Variants in EIF2B3 observed in about 807,000 individuals in gnomAD.
EIF2B3 encodes translation initiation factor eIF2B subunit gamma.
Under a neutral mutation model 54.1 loss-of-function variants are expected in EIF2B3, and 20 were observed. The ratio of observed to expected loss-of-function variants is 0.37; its 90% CI spans 0.26 to 0.54. The LOEUF is 0.54. Ranked by LOEUF, EIF2B3 falls within the 20% of genes least tolerant of loss-of-function variation. EIF2B3 has a pLI of 0.86. For missense variants in EIF2B3, 448 were observed against 547.8 expected (o/e 0.82, Z 1.82); for synonymous variants, 153 against 188.1 (o/e 0.81, Z 1.52).
At chr1:44,854,455 G>T (rs986250518) in intron 11 of EIF2B3, among the ~76,000 whole-genome samples, 1 of 151,908 alleles carries the variant, frequency 6.6e-6, no homozygotes, top group African/African-American at 2.4e-5. Context: ...GCTTGTTTTC[G>T]TGTTGGTGCT....
chr1:44,891,488 T>G (rs1276025755), intron 6 of EIF2B3, among the ~76,000 whole-genome samples: 1 of 152,148 alleles, frequency 6.6e-6, no homozygotes, highest in Non-Finnish European at 1.5e-5. Context: ...CATCCTCTAT[T>G]TTGTAGACAC....
At chr1:44,896,506 C>T (rs1655976499) in intron 6 of EIF2B3, among the ~76,000 whole-genome samples, 1 of 152,186 alleles carries the variant, frequency 6.6e-6, no homozygotes, top group Admixed American at 6.5e-5. Context: ...CTCAGGTTCT[C>T]AAATTCTTTT....
Position 44,978,339 on chromosome 1 carries a change from C to T in EIF2B3, c.270G>A (p.Leu90=). The T allele has an allele frequency of 1.2e-6, 2 of 1,614,062 alleles. No individual in the cohort carries two copies. Among genetic ancestry groups the T allele is most frequent in the Non-Finnish European group, 1.7e-6 (2 of 1,180,016 alleles). ...DDADMGTADS[L]RYIYPKLKTD... Reference sequence around the variant, plus strand: ...CCTTAAGTTTTGGATATATGTAGCGCAAAGAATCTGCAGTTCCCATGTCAG... The same window carrying T: ...CCTTAAGTTTTGGATATATGTAGCGTAAAGAATCTGCAGTTCCCATGTCAG... The change falls in exon 3 of 12, where the codon TTG becomes TTA. Residue 90 remains leucine (L), a synonymous_variant. Coordinates refer to ENST00000360403, the MANE Select transcript of EIF2B3 (RefSeq NM_020365.5).
At chr1:44,932,854 C>T (rs55916129) in intron 4 of EIF2B3, among the ~76,000 whole-genome samples, 25,832 of 152,080 alleles carry the variant, frequency 0.17, 2,303 homozygotes, top group Non-Finnish European at 0.18. Context: ...AATAAAGACA[C>T]TTTCAGGGAT....
intron 3 of EIF2B3, among the ~76,000 whole-genome samples, chr1:44,952,905 C>T (rs1048103371): frequency 2.0e-5 from 3 of 152,078 alleles, no homozygotes; most frequent in East Asian, 1.9e-4. Context: ...GATCACAGTC[C>T]CTCTCATCTA....
At chr1:44,968,544 A>G (rs1644368428) in intron 3 of EIF2B3, among the ~76,000 whole-genome samples, 1 of 152,208 alleles carries the variant, frequency 6.6e-6, no homozygotes, top group Non-Finnish European at 1.5e-5. Context: ...TCATAAGGGA[A>G]AGAAAAACAG....
At chr1:44,894,306 T>C (rs1655896027) in intron 6 of EIF2B3, among the ~76,000 whole-genome samples, 1 of 152,206 alleles carries the variant, frequency 6.6e-6, no homozygotes. Flanking sequence ...GTAAAATGTG[T>C]ACAGTTACTA....
At chr1:44,898,012 A>T (rs1656036880) in intron 5 of EIF2B3, among the ~76,000 whole-genome samples, 1 of 152,132 alleles carries the variant, frequency 6.6e-6, no homozygotes, top group Non-Finnish European at 1.5e-5. Flanking sequence ...GTTGGATTAC[A>T]GGTGTGAGCC....
intron 3 of EIF2B3, among the ~76,000 whole-genome samples, chr1:44,955,548 C>G (rs1349507503): frequency 2.0e-5 from 3 of 151,928 alleles, no homozygotes; most frequent in Non-Finnish European, 4.4e-5. Context: ...TTCTGCATAG[C>G]AAAAGAAACT....
chr1:44,855,709 A>G (rs533092264), intron 11 of EIF2B3, among the ~76,000 whole-genome samples: 275 of 152,174 alleles, frequency 1.8e-3, no homozygotes, highest in Non-Finnish European at 3.0e-3. Context: ...GGCATGCACT[A>G]CCACACTTGG....
intron 6 of EIF2B3, among the ~76,000 whole-genome samples, chr1:44,896,384 C>T (rs1250133215): frequency 6.6e-6 from 1 of 152,102 alleles, no homozygotes; most frequent in East Asian, 1.9e-4. Flanking sequence ...GGGGGGGTGA[C>T]AGGTAGGACA....
At chr1:44,939,290 T>G (rs79944749) in intron 4 of EIF2B3, among the ~76,000 whole-genome samples, 1,615 of 152,186 alleles carry the variant, frequency 0.011, 33 homozygotes, top group African/African-American at 0.037. Context: ...GCCTCCTATA[T>G]TCACACTCCA....
intron 3 of EIF2B3, among the ~76,000 whole-genome samples, chr1:44,971,004 C>T (rs547390532): frequency 1.1e-3 from 173 of 152,166 alleles, no homozygotes; most frequent in African/African-American, 3.4e-3. Flanking sequence ...GAACGGGTAA[C>T]GGAGGAACAG....
chr1:44,974,733 G>A (rs1308384671), intron 3 of EIF2B3, among the ~76,000 whole-genome samples: 1 of 151,976 alleles, frequency 6.6e-6, no homozygotes, highest in African/African-American at 2.4e-5. Context: ...GTTTTTATTT[G>A]CAGGCAATAT....
chr1:44,895,177 G>C (rs1195805695), intron 6 of EIF2B3, among the ~76,000 whole-genome samples: 1 of 152,188 alleles, frequency 6.6e-6, no homozygotes, highest in Non-Finnish European at 1.5e-5. Flanking sequence ...TATGTGCTGA[G>C]GCTCTGTATC....
chr1:44,920,934 G>T (rs1173682477), intron 5 of EIF2B3, among the ~76,000 whole-genome samples: 1 of 152,120 alleles, frequency 6.6e-6, no homozygotes, highest in Non-Finnish European at 1.5e-5. Flanking sequence ...TTGTATGGTA[G>T]CTCTATTTTT....
At chr1:44,891,756 A>G (rs778230811) in intron 6 of EIF2B3, among the ~76,000 whole-genome samples, 3 of 152,204 alleles carry the variant, frequency 2.0e-5, no homozygotes, top group Non-Finnish European at 2.9e-5. Context: ...GTAGGCTTCT[A>G]TGCTCTCACA....
chr1:44,851,008 A>G lies in EIF2B3; in HGVS notation c.1307-5T>C. ...TCACCTCATTCACTCGTTTAGCTAC[A>G]AAAGAAAAGGAAAAAAGTTTTCTGA... On this transcript the variant is annotated splice_polypyrimidine_tract_variant and splice_region_variant and intron_variant, in intron 11 of 11. Coordinates refer to ENST00000360403, the MANE Select transcript of EIF2B3 (RefSeq NM_020365.5). 2 of 1,613,938 alleles carry G rather than the reference A, an allele frequency of 1.2e-6. No homozygotes were observed. Among genetic ancestry groups the G allele is most frequent in the Non-Finnish European group, 1.7e-6 (2 of 1,180,028 alleles).
intron 5 of EIF2B3, among the ~76,000 whole-genome samples, chr1:44,920,064 T>TC (rs1286230862): frequency 6.8e-6 from 1 of 147,908 alleles, no homozygotes; most frequent in Non-Finnish European, 1.5e-5. Flanking sequence ...GAGCAGAGTC[T>TC]CCCTCTGTCG....
Sources: allele counts gnomAD v4.1 joint callset (sites outside exome capture counted in the v4.1 genomes callset), GRCh38; gene constraint gnomAD v4.1.1; transcripts MANE v1.5; gene names NCBI Gene and HGNC (gene_info 2026-07-23, HGNC 2026-07-21).